The following DNAJC24 variants were observed in gnomAD, a reference collection of about 807,000 sequenced individuals.
The protein encoded by DNAJC24 is dnaJ homolog subfamily C member 24.
In DNAJC24, 17 loss-of-function variants were observed where a neutral mutation model predicts 18.0. The ratio of observed to expected loss-of-function variants is 0.94; its 90% CI spans 0.65 to 1.42. DNAJC24 has a LOEUF of 1.42. Among genes scored for constraint, DNAJC24 ranks in the 40% most tolerant of loss-of-function variants. DNAJC24 has a pLI of 0.00. For synonymous variants in DNAJC24, 55 were observed against 57.7 expected (o/e 0.95, Z 0.21); for missense variants, 158 against 175.6 (o/e 0.90, Z 0.57).
At chr11:31,417,394 G>C (rs112946546) in intron 3 of DNAJC24, 69 of 151,892 alleles carry the variant, frequency 4.5e-4, no homozygotes, top group Middle Eastern at 3.4e-3. Flanking sequence ...TCAGTAAAAT[G>C]GCTCCTCAAA....
chr11:31,408,058 TA>T, intron 2 of DNAJC24: 3 of 455,338 alleles, frequency 6.6e-6, no homozygotes, highest in South Asian at 3.1e-5. Flanking sequence ...GTATCAAATA[TA>T]AAAAAAATTC....
chr11:31,396,427 T>C (rs185339988), intron 2 of DNAJC24: 109 of 356,140 alleles, frequency 3.1e-4, no homozygotes, highest in African/African-American at 1.9e-3. Context: ...TGCAAATTTT[T>C]ATAAGATTCT....
intron 2 of DNAJC24, among the ~76,000 whole-genome samples, chr11:31,405,962 A>G (rs1952653638): frequency 6.6e-6 from 1 of 152,208 alleles, no homozygotes; most frequent in African/African-American, 2.4e-5. Context: ...ATATAACATT[A>G]GTCTATTCAT....
In DNAJC24 at chr11:31,430,451, G is replaced by A. The variant is rs200796407; in HGVS notation, c.*50G>A. On this transcript the variant is annotated 3_prime_UTR_variant, in exon 5 of 5. Coordinates refer to ENST00000465995, the MANE Select transcript of DNAJC24 (RefSeq NM_181706.5). ...TAACTGTGGTATTGAGACATGATGA[G>A]AAGCCGTTGAGCTTTGTCCATTCAA... 3,397 of 1,520,964 alleles carry A rather than the reference G, an allele frequency of 2.2e-3. 11 individuals carry two copies. The highest frequency in any genetic ancestry group is 3.9e-3 in the South Asian group (306 of 79,264). The allele number at this position is 1,520,964 out of a possible 1,614,324, so 94.2% of individuals were successfully genotyped here. A position where few individuals can be genotyped will look rare whatever the true frequency, so the allele number is the denominator to read the frequency against.
intron 2 of DNAJC24, among the ~76,000 whole-genome samples, chr11:31,384,405 T>C (rs1952407782): frequency 6.6e-6 from 1 of 152,222 alleles, no homozygotes. Context: ...CTGTCTTAGT[T>C]ATTTTTGTAT....
At chr11:31,398,721 A>G (rs577729605) in intron 2 of DNAJC24, among the ~76,000 whole-genome samples, 1 of 152,326 alleles carries the variant, frequency 6.6e-6, no homozygotes, top group African/African-American at 2.4e-5. Flanking sequence ...CAATTAATAT[A>G]AGAAAAGCAT....
At chr11:31,414,987 A>G (rs761681016) in intron 3 of DNAJC24, 38 bp downstream of exon 3, 1 of 1,602,204 alleles carries the variant, frequency 6.2e-7, no homozygotes, top group Non-Finnish European at 8.5e-7. Flanking sequence ...CACATCGGCA[A>G]CTCTTAGAAG....
chr11:31,420,009 T>G (rs1238916913), intron 3 of DNAJC24, among the ~76,000 whole-genome samples: 1 of 152,070 alleles, frequency 6.6e-6, no homozygotes, highest in Non-Finnish European at 1.5e-5. Flanking sequence ...TTTTGATTGA[T>G]CTAGCAGCTT....
chr11:31,415,642 C>T (rs539044512), intron 3 of DNAJC24: 47 of 152,330 alleles, frequency 3.1e-4, no homozygotes, highest in African/African-American at 1.1e-3. Flanking sequence ...GTCCCTCAGC[C>T]TTGTGTTTGA....
chr11:31,377,382 G>T (rs889193536), intron 2 of DNAJC24, among the ~76,000 whole-genome samples: 1 of 151,922 alleles, frequency 6.6e-6, no homozygotes, highest in South Asian at 2.1e-4. Context: ...ACATATTTAC[G>T]TAAAGTGCAG....
chr11:31,388,005 G>T (rs191075838), intron 2 of DNAJC24, among the ~76,000 whole-genome samples: 1 of 151,876 alleles, frequency 6.6e-6, no homozygotes, highest in African/African-American at 2.4e-5. Flanking sequence ...CAGCAGAATT[G>T]ATCAAGCAGA....
chr11:31,384,905 A>G (rs145137497), intron 2 of DNAJC24: 1 of 152,314 alleles, frequency 6.6e-6, no homozygotes, highest in African/African-American at 2.4e-5. Context: ...GTATCTGAAA[A>G]AGAAAATAGA....
At chr11:31,374,929 T>A (rs1365913624) in intron 2 of DNAJC24, among the ~76,000 whole-genome samples, 1 of 135,526 alleles carries the variant, frequency 7.4e-6, no homozygotes, top group African/African-American at 2.5e-5. Flanking sequence ...GCCTGTTTTT[T>A]TCTCTTCTCT....
chr11:31,399,414 CTTTT>C (rs568328386), intron 2 of DNAJC24, among the ~76,000 whole-genome samples: 2 of 138,438 alleles, frequency 1.4e-5, no homozygotes. Context: ...TCTTAATTCT[CTTTT>C]TTTTTTTTTT....
At chr11:31,402,562 G>A (rs1952609665) in intron 2 of DNAJC24, among the ~76,000 whole-genome samples, 1 of 152,118 alleles carries the variant, frequency 6.6e-6, no homozygotes, top group Non-Finnish European at 1.5e-5. Context: ...ATGTTAGCGG[G>A]CAGTGGTGTG....
chr11:31,425,331 A>G (rs1277037627), intron 3 of DNAJC24, among the ~76,000 whole-genome samples: 1 of 152,190 alleles, frequency 6.6e-6, no homozygotes, highest in African/African-American at 2.4e-5. Flanking sequence ...TTACATTTGG[A>G]TAGAGCATTA....
At chr11:31,429,143 ATTTTTCTG>A (rs1952893392) in intron 4 of DNAJC24, among the ~76,000 whole-genome samples, 1 of 151,850 alleles carries the variant, frequency 6.6e-6, no homozygotes, top group Admixed American at 6.6e-5. Context: ...AGATTAAATT[ATTTTTCTG>A]TATGGAGAGC....
chr11:31,396,725 T>C (rs567376916), intron 2 of DNAJC24, among the ~76,000 whole-genome samples: 1 of 152,300 alleles, frequency 6.6e-6, no homozygotes, highest in East Asian at 1.9e-4. Flanking sequence ...AACATGATTA[T>C]GTCCCTATCA....
In DNAJC24 at chr11:31,430,959, A is replaced by C. The variant is rs1232454455; in HGVS notation, c.*558A>C. ...GCCTCCAATCTTGGTCCGTATTTCC[A>C]AAGCTTGTAAACACTGCCATCTTCA... On this transcript the variant is annotated 3_prime_UTR_variant, in exon 5 of 5. Coordinates refer to ENST00000465995, the MANE Select transcript of DNAJC24 (RefSeq NM_181706.5). 2 of 152,394 alleles carry C rather than the reference A, an allele frequency of 1.3e-5. No homozygotes were observed. The highest frequency in any genetic ancestry group is 3.9e-4 in the East Asian group (2 of 5,192). The allele number at this position is 152,394 out of a possible 1,614,324, so 9.4% of individuals were successfully genotyped here.
Sources: gnomAD v4.1 joint callset for allele counts (sites outside exome capture counted in the v4.1 genomes callset) on GRCh38, gnomAD v4.1.1 for gene constraint, MANE v1.5 for transcripts, NCBI Gene and HGNC (gene_info 2026-07-23, HGNC 2026-07-21) for gene names.